AP3D1: variants seen among roughly 807,000 people sequenced by gnomAD.
AP3D1 encodes AP-3 complex subunit delta-1.
A neutral mutation model predicts 147.6 loss-of-function variants in AP3D1; 51 were observed. That is an observed-to-expected ratio of 0.35 (90% CI 0.28 to 0.44). The LOEUF (loss-of-function observed/expected upper bound fraction) is 0.44, where lower values mean the gene tolerates loss of function less well. Ranked by LOEUF, AP3D1 falls within the 20% of genes least tolerant of loss-of-function variation. AP3D1 has a pLI of 1.00. For synonymous variants in AP3D1, 760 were observed against 663.0 expected, an observed-to-expected ratio of 1.15 and a Z score of -2.25; for missense variants, 1,421 against 1,624.2, an observed-to-expected ratio of 0.87 and a Z score of 2.15.
rs1048818122 is a variant in AP3D1 at position 2,114,242 on chromosome 19, T to C, written c.2484A>G (p.Lys828=). The change falls in exon 22 of 32, where the codon AAA becomes AAG. Residue 828 remains lysine, a synonymous_variant. Coordinates refer to ENST00000643116, the MANE Select transcript of AP3D1 (RefSeq NM_001261826.3). ...IQKHRNTETS[K]SPEKDVPMVE... ...CCATGGGAACGTCCTTCTCAGGGGA[T>C]TTTGAGGTCTCGGTGTTTCTGTGTT... 1 of 1,613,808 alleles carries C rather than the reference T, an allele frequency of 6.2e-7. No individual in the cohort carries two copies. The highest frequency in any genetic ancestry group is 8.5e-7 in the Non-Finnish European group (1 of 1,179,928).
chr19:2,140,978 C>T (rs957622256), intron 1 of AP3D1, among the ~76,000 whole-genome samples: 6 of 151,906 alleles, frequency 3.9e-5, no homozygotes, highest in Non-Finnish European at 7.4e-5. Context: ...AGGCTGGTCT[C>T]GAATTCCTGA....
chr19:2,117,523 T>C (rs938860665), intron 15 of AP3D1, among the ~76,000 whole-genome samples, 156 bp from the exon 16 acceptor site: 2 of 151,928 alleles, frequency 1.3e-5, no homozygotes, highest in Non-Finnish European at 2.9e-5. Flanking sequence ...GCCGTCTCTG[T>C]CGTCATCATC....
intron 14 of AP3D1, among the ~76,000 whole-genome samples, 170 bp downstream of exon 14, chr19:2,120,692 T>C (rs1371718285): frequency 2.0e-5 from 3 of 152,058 alleles, no homozygotes; most frequent in African/African-American, 4.8e-5. Context: ...AAAGGGGGAA[T>C]GGGCCCGACC....
rs2017941914 is a variant in AP3D1, at chr19:2,101,198, A to C, written c.*975T>G. On this transcript the variant is annotated 3_prime_UTR_variant, in exon 32 of 32. Coordinates refer to ENST00000643116, the MANE Select transcript of AP3D1 (RefSeq NM_001261826.3). Reference sequence around the variant, plus strand: ...GTTTTCATCAAAAGGAGAAGATAAAATGTCATTATCTCTGAAGAAGGGTCA... The same window carrying C: ...GTTTTCATCAAAAGGAGAAGATAAACTGTCATTATCTCTGAAGAAGGGTCA... The C allele has an allele frequency of 1.3e-5, 2 of 152,556 alleles. No individual in the cohort carries two copies. Among genetic ancestry groups the C allele is most frequent in the Non-Finnish European group, 2.9e-5 (2 of 68,030 alleles). 9.5% of individuals were successfully genotyped at this position (152,556 alleles called of 1,614,324 possible).
intron 1 of AP3D1, chr19:2,164,030 CGCG>C (rs576715318): frequency 1.6e-3 from 475 of 300,074 alleles, no homozygotes; most frequent in Non-Finnish European, 2.1e-3. Flanking sequence ...CGGACCGGAG[CGCG>C]GCGGCGGCGG....
chr19:2,121,992 G>A, intron 11 of AP3D1, 113 bp from the exon 12 acceptor site: 1 of 1,253,190 alleles, frequency 8.0e-7, no homozygotes, highest in South Asian at 1.6e-5. Flanking sequence ...CCTGGCCTTG[G>A]CAACCTGGGG....
At chr19:2,115,903 A>G (rs913956384) in intron 18 of AP3D1, among the ~76,000 whole-genome samples, 1 of 152,238 alleles carries the variant, frequency 6.6e-6, no homozygotes, top group Non-Finnish European at 1.5e-5. Flanking sequence ...TTTCTCCTCA[A>G]ATGAGAAAAG....
chr19:2,132,233 G>A (rs1368862448), intron 5 of AP3D1, among the ~76,000 whole-genome samples: 1 of 152,174 alleles, frequency 6.6e-6, no homozygotes, highest in African/African-American at 2.4e-5. Context: ...GCCTGTCAGG[G>A]ACACCCTGTT....
chr19:2,143,721 C>T (rs1002076998), intron 1 of AP3D1, among the ~76,000 whole-genome samples: 6 of 151,846 alleles, frequency 4.0e-5, no homozygotes, highest in Admixed American at 2.0e-4. Flanking sequence ...GGGCCGCGAT[C>T]GCACCACTGC....
At chr19:2,149,201 A>G (rs928472528) in intron 1 of AP3D1, among the ~76,000 whole-genome samples, 6 of 152,170 alleles carry the variant, frequency 3.9e-5, no homozygotes, top group African/African-American at 1.4e-4. Flanking sequence ...CGCCAATGGC[A>G]GGGCCAATGA....
At chr19:2,114,426 A>G (rs2018381378) in intron 21 of AP3D1, 124 bp from the exon 22 acceptor site, 1 of 803,816 alleles carries the variant, frequency 1.2e-6, no homozygotes, top group African/African-American at 1.7e-5. Flanking sequence ...GGCCCCAGCC[A>G]TGGCCCAACA....
chr19:2,106,570 C>A (rs74451323), intron 31 of AP3D1, among the ~76,000 whole-genome samples: 18,776 of 151,262 alleles, frequency 0.12, 1,256 homozygotes, highest in Non-Finnish European at 0.16. Flanking sequence ...TAAAAAAAAA[C>A]AAAAGTACTG....
At chr19:2,124,204 C>T (rs1225912849) in intron 9 of AP3D1, among the ~76,000 whole-genome samples, 2 of 152,242 alleles carry the variant, frequency 1.3e-5, no homozygotes, top group East Asian at 3.8e-4. Flanking sequence ...GGCCCCGAGG[C>T]CACAGGACCA....
At chr19:2,156,230 T>G (rs758510824), upstream of AP3D1, among the ~76,000 whole-genome samples, 5 of 152,096 alleles carry the variant, frequency 3.3e-5, no homozygotes, top group Non-Finnish European at 7.4e-5. Flanking sequence ...CCTGGAGCCC[T>G]GAGCTCTGGC....
chr19:2,154,605 G>A (rs1408169351), upstream of AP3D1, among the ~76,000 whole-genome samples: 1 of 152,128 alleles, frequency 6.6e-6, no homozygotes, highest in Non-Finnish European at 1.5e-5. Flanking sequence ...GTCCTCAGGC[G>A]AAGCCCTAGG....
Position 2,129,383 on chromosome 19 carries a change from G to A in AP3D1, c.667C>T (p.Pro223Ser), listed in dbSNP as rs370485337. Reference sequence around the variant, plus strand: ...GACGTCATCAGCTTGAAAAAGAGCGGGGCCAGGGACAGGTAGTTCTTAGGG... The same window carrying A: ...GACGTCATCAGCTTGAAAAAGAGCGAGGCCAGGGACAGGTAGTTCTTAGGG... ...RNPKNYLSLAPLFFKLMTSST... is the reference protein window; with the variant it reads ...RNPKNYLSLASLFFKLMTSST... The change falls in exon 7 of 32, where the codon CCG becomes TCG. Residue 223 changes from proline (P) to serine (S), a missense_variant. By Grantham distance (74) the Pro-to-Ser change is moderately conservative (BLOSUM62 -1). This residue lies in a region of AP3D1 where 292 missense variants were observed against 412.0 expected (regional missense o/e 0.71). Coordinates refer to ENST00000643116, the MANE Select transcript of AP3D1 (RefSeq NM_001261826.3). 1 of 1,614,122 alleles carries A rather than the reference G, an allele frequency of 6.2e-7. No homozygotes were observed. Among genetic ancestry groups the A allele is most frequent in the Non-Finnish European group, 8.5e-7 (1 of 1,180,008 alleles).
intron 31 of AP3D1, among the ~76,000 whole-genome samples, chr19:2,106,324 A>T (rs753137707): frequency 6.6e-6 from 1 of 152,150 alleles, no homozygotes; most frequent in Non-Finnish European, 1.5e-5. Flanking sequence ...CGAGGCAGGC[A>T]GATCACCCGG....
chr19:2,150,783 C>G (rs2019485982), intron 1 of AP3D1, among the ~76,000 whole-genome samples: 1 of 152,072 alleles, frequency 6.6e-6, no homozygotes, highest in South Asian at 2.1e-4. Context: ...GGCCCGGGCC[C>G]CTGCATTTTT....
At chr19:2,145,009 T>C (rs965987826) in intron 1 of AP3D1, among the ~76,000 whole-genome samples, 1 of 152,212 alleles carries the variant, frequency 6.6e-6, no homozygotes, top group African/African-American at 2.4e-5. Flanking sequence ...TCTGAACGTA[T>C]TGTGCTGAAT....
Sources: gnomAD v4.1 joint callset for allele counts (sites outside exome capture counted in the v4.1 genomes callset) on GRCh38, gnomAD v4.1.1 for gene constraint, gnomAD v4.1.1 regional missense constraint, MANE v1.5 for transcripts, NCBI Gene and HGNC (gene_info 2026-07-23, HGNC 2026-07-21) for gene names.